Variants in MED12L observed in about 807,000 individuals in gnomAD.
MED12L encodes mediator of RNA polymerase II transcription subunit 12-like protein.
A neutral mutation model predicts 281.3 loss-of-function variants in MED12L; 60 were observed. The observed-to-expected ratio is 0.21, with a 90% CI of 0.17 to 0.26. MED12L has a LOEUF of 0.26. Ranked by LOEUF, MED12L falls within the 10% of genes least tolerant of loss-of-function variation. The pLI, the probability that MED12L is intolerant of heterozygous loss-of-function variation, is 1.00. For synonymous variants in MED12L, 974 were observed against 987.2 expected (o/e 0.99, Z 0.25); for missense variants, 2,146 against 2,680.9 (o/e 0.80, Z 4.41).
chr3:151,307,544 TGTGTGTGTGTG>T (rs1746854708), intron 16 of MED12L, among the ~76,000 whole-genome samples: 1 of 17,318 alleles, frequency 5.8e-5, no homozygotes, highest in Non-Finnish European at 8.6e-5. Context: ...TGTGTGTGTG[TGTGTGTGTGTG>T]TGTGTGTGTG....
intron 2 of MED12L, among the ~76,000 whole-genome samples, chr3:151,110,676 T>C (rs1247046157): frequency 6.6e-6 from 1 of 152,246 alleles, no homozygotes; most frequent in African/African-American, 2.4e-5. Flanking sequence ...TTTTTGGCTC[T>C]GTGGCCCTAG....
intron 2 of MED12L, among the ~76,000 whole-genome samples, chr3:151,103,087 C>T (rs184959977): frequency 1.3e-5 from 2 of 152,318 alleles, no homozygotes; most frequent in African/African-American, 4.8e-5. Flanking sequence ...AACTATATGG[C>T]ATACCTCAGC....
chr3:151,327,006 A>G (rs1158983823), intron 16 of MED12L: 1 of 152,232 alleles, frequency 6.6e-6, no homozygotes, highest in African/African-American at 2.4e-5. Context: ...GAGAATAGCA[A>G]TTCTATTTAA....
chr3:151,257,269 T>C (rs991751928), intron 16 of MED12L, among the ~76,000 whole-genome samples: 9 of 152,260 alleles, frequency 5.9e-5, no homozygotes, highest in African/African-American at 2.2e-4. Context: ...TGGCATGTTG[T>C]AGTTTAAATA....
In MED12L at chr3:151,378,015, C is replaced by G; in HGVS notation, c.4320C>G (p.Ser1440=). 6.3e-7 allele frequency: 1 copy of G among 1,595,132 alleles called. No individual in the cohort carries two copies. The highest frequency in any genetic ancestry group is 8.6e-7 in the Non-Finnish European group (1 of 1,168,808). Residue 1440 remains serine (S), a synonymous_variant, in exon 31 of 45, where the codon TCC becomes TCG. Coordinates refer to ENST00000687756, the MANE Select transcript of MED12L (RefSeq NM_001393769.1). ...TAACACCTGTTTCTGATTTTAGTTC[C>G]TCCGAACGCAGGGGTGTATGGTTGG... is the stretch of plus-strand genomic sequence containing the variant. ...RQNGIKTFLS[S]SERRGVWLVA...
chr3:151,388,006 C>T lies in MED12L; in HGVS notation c.5285C>T (p.Pro1762Leu). ...MPKPRSYYLQ[P>L]LPLPPEEEEE... ...AAGCCCCGCAGTTACTACCTCCAGCCACTGCCCCTGCCTCCTGAGGAGGAA... is the reference window on the plus strand; with the variant it reads ...AAGCCCCGCAGTTACTACCTCCAGCTACTGCCCCTGCCTCCTGAGGAGGAA... Residue 1762 changes from proline (P) to leucine (L), a missense_variant, in exon 37 of 45, where the codon CCA (proline) becomes CTA (leucine). Coordinates refer to ENST00000687756, the MANE Select transcript of MED12L (RefSeq NM_001393769.1). 6.2e-7 allele frequency: 1 copy of T among 1,614,100 alleles called. No homozygotes were observed. The highest frequency in any genetic ancestry group is 2.2e-5 in the East Asian group (1 of 44,844).
intron 19 of MED12L, among the ~76,000 whole-genome samples, chr3:151,356,865 C>T (rs1415278183): frequency 5.3e-5 from 8 of 151,878 alleles, no homozygotes; most frequent in Non-Finnish European, 1.2e-4. Flanking sequence ...GAGATATTAA[C>T]TTTGTTAATG....
intron 16 of MED12L, among the ~76,000 whole-genome samples, chr3:151,257,142 G>A (rs955831883): frequency 3.3e-5 from 5 of 152,150 alleles, no homozygotes. Flanking sequence ...AAGTTTTCTA[G>A]AACCATTTGG....
intron 16 of MED12L, chr3:151,295,164 C>A (rs773321339): frequency 1.9e-6 from 3 of 1,612,614 alleles, no homozygotes; most frequent in South Asian, 2.2e-5. Context: ...CCTGGCCCGT[C>A]GCTCCTGTTG....
At chr3:151,315,044 G>A (rs368984256) in intron 16 of MED12L, among the ~76,000 whole-genome samples, 9 of 152,242 alleles carry the variant, frequency 5.9e-5, no homozygotes, top group East Asian at 3.9e-4. Flanking sequence ...GTGACTTTAC[G>A]TAGATTTCAC....
chr3:151,315,693 CT>C (rs1044347130), intron 16 of MED12L, among the ~76,000 whole-genome samples: 8 of 152,204 alleles, frequency 5.3e-5, no homozygotes, highest in South Asian at 4.1e-4. Context: ...GGGTGTCTGG[CT>C]TTTTTCCCCC....
At chr3:151,114,255 C>T (rs976393474) in intron 2 of MED12L, among the ~76,000 whole-genome samples, 2 of 152,184 alleles carry the variant, frequency 1.3e-5, no homozygotes, top group Non-Finnish European at 2.9e-5. Flanking sequence ...GTGCGGATCA[C>T]GATTTCAGTG....
intron 43 of MED12L, among the ~76,000 whole-genome samples, chr3:151,428,589 A>G (rs1429240706): frequency 3.3e-5 from 5 of 152,214 alleles, no homozygotes; most frequent in Non-Finnish European, 1.5e-5. Flanking sequence ...ATACATCAGT[A>G]GGTATGCCAA....
intron 14 of MED12L, among the ~76,000 whole-genome samples, chr3:151,191,921 A>G (rs77186429): frequency 6.6e-6 from 1 of 150,988 alleles, no homozygotes; most frequent in Non-Finnish European, 1.5e-5. Context: ...ACAAACAAAA[A>G]AAAAAAAAAC....
Position 151,087,034 on chromosome 3 carries a change from G to GC in MED12L, c.99+11dup. On this transcript the variant is annotated intron_variant, in intron 2 of 44. Transcript: ENST00000687756. ...ACCCCAAGCAGAAGGAGGTAAGGGC[G>GC]CCGGCGGCCTCCCCGGCAACCGGGG... is the stretch of plus-strand genomic sequence containing the variant. 6.3e-7 allele frequency: 1 copy of GC among 1,597,670 alleles called. No individual in the cohort carries two copies. The highest frequency in any genetic ancestry group is 1.7e-4 in the Middle Eastern group (1 of 5,800).
chr3:151,100,832 G>A (rs560941738), intron 2 of MED12L, among the ~76,000 whole-genome samples: 1 of 152,286 alleles, frequency 6.6e-6, no homozygotes, highest in East Asian at 1.9e-4. Context: ...CGTTTACTTA[G>A]TACTTGATAT....
intron 16 of MED12L, among the ~76,000 whole-genome samples, chr3:151,265,908 C>T (rs923711632): frequency 3.9e-5 from 6 of 152,048 alleles, no homozygotes; most frequent in Non-Finnish European, 8.8e-5. Flanking sequence ...GTCTTGCGGC[C>T]CTGAGAATTG....
rs575996408 is a variant in MED12L at position 151,346,598 on chromosome 3, CTCTT to C, written c.2251-3456_2251-3453del. Among the ~76,000 whole-genome samples the C allele has an allele frequency of 3.5e-4, 54 of 152,312 alleles. No homozygotes were observed. In the Middle Eastern group the frequency reaches 0.01, roughly 29 times the overall value. ...ACCTCACTGGACGTTGTCAGTGACA[CTCTT>C]TCTTATGTATCCCCTCCCCTGACTT... On this transcript the variant is annotated intron_variant, in intron 16 of 44. Coordinates refer to ENST00000687756, the MANE Select transcript of MED12L (RefSeq NM_001393769.1).
At chr3:151,342,913 G>T (rs1356828589) in intron 16 of MED12L, among the ~76,000 whole-genome samples, 2 of 152,060 alleles carry the variant, frequency 1.3e-5, no homozygotes, top group African/African-American at 2.4e-5. Flanking sequence ...ACTATTCTCT[G>T]AAGTACGCGT....
Sources: allele counts gnomAD v4.1 joint callset (sites outside exome capture counted in the v4.1 genomes callset), GRCh38; gene constraint gnomAD v4.1.1; transcripts MANE v1.5; gene names NCBI Gene and HGNC (gene_info 2026-07-23, HGNC 2026-07-21).